HACE1: variants seen among roughly 807,000 people sequenced by gnomAD.
HACE1 encodes the protein E3 ubiquitin-protein ligase HACE1.
HACE1 carries 73 observed loss-of-function variants against 118.4 expected under a neutral mutation model. The ratio of observed to expected loss-of-function variants is 0.62; its 90% confidence interval spans 0.51 to 0.75. The LOEUF is 0.75. Among genes scored for constraint, HACE1 ranks in the 30% least tolerant of loss-of-function variants. HACE1 has a pLI of 0.00. For missense variants in HACE1, 749 were observed against 1,102.2 expected (o/e 0.68, Z 4.54); for synonymous variants, 368 against 374.8 (o/e 0.98, Z 0.21).
In HACE1 at chr6:104,737,236, T is replaced by C. The variant is rs552501026; in HGVS notation, c.2514-6820A>G. ...GAACCCAGGGGGCGGAGGTTGCAGA[T>C]CGAGCCACTGCACTCCAGCCTGGGG... On this transcript the variant is annotated intron_variant, in intron 22 of 23. Coordinates refer to ENST00000262903, the MANE Select transcript of HACE1 (RefSeq NM_020771.4). Among the ~76,000 whole-genome samples, 12 of 130,596 alleles carry C rather than the reference T, an allele frequency of 9.2e-5. No individual in the cohort carries two copies. In the South Asian group the frequency reaches 2.3e-3, roughly 25 times the overall value. 85.7% of individuals were successfully genotyped at this position (130,596 alleles called of 152,430 possible).
At chr6:104,806,766 T>G (rs1436641323) in intron 7 of HACE1, among the ~76,000 whole-genome samples, 1 of 152,154 alleles carries the variant, frequency 6.6e-6, no homozygotes, top group Non-Finnish European at 1.5e-5. Context: ...ATGTATTTTA[T>G]GAAAACTAAG....
chr6:104,846,017 C>A (rs574432573), intron 4 of HACE1, among the ~76,000 whole-genome samples: 16 of 152,214 alleles, frequency 1.1e-4, no homozygotes, highest in African/African-American at 3.9e-4. Context: ...CAAAATAAAT[C>A]ATTAGGTAGG....
At chr6:104,797,763 A>G (rs9486014) in intron 7 of HACE1, among the ~76,000 whole-genome samples, 31,843 of 151,950 alleles carry the variant, frequency 0.21, 4,105 homozygotes, top group African/African-American at 0.37. Flanking sequence ...TAATGTTAAC[A>G]GCTGATTCTT....
intron 7 of HACE1, among the ~76,000 whole-genome samples, chr6:104,798,923 G>A (rs952035203): frequency 3.9e-5 from 6 of 152,104 alleles, no homozygotes; most frequent in African/African-American, 1.4e-4. Context: ...CAATTAAATT[G>A]TAAACTTCCT....
intron 22 of HACE1, among the ~76,000 whole-genome samples, chr6:104,734,381 T>C (rs867308095): frequency 2.4e-4 from 36 of 152,104 alleles, no homozygotes; most frequent in Middle Eastern, 3.2e-3. Context: ...TATCTAAATA[T>C]AAACTAATAC....
chr6:104,855,749 C>T (rs570928773), intron 1 of HACE1, among the ~76,000 whole-genome samples: 8 of 152,142 alleles, frequency 5.3e-5, no homozygotes, highest in African/African-American at 1.9e-4. Flanking sequence ...AACTTCTAAA[C>T]CATGAGAATT....
chr6:104,774,628 C>T (rs1781030185), intron 17 of HACE1, among the ~76,000 whole-genome samples: 1 of 151,998 alleles, frequency 6.6e-6, no homozygotes, highest in African/African-American at 2.4e-5. Flanking sequence ...TCGTGATCTG[C>T]CCGCCTCGGC....
intron 21 of HACE1, 21 bp from the exon 22 acceptor site, chr6:104,744,251 C>T (rs981077639): frequency 6.8e-7 from 1 of 1,472,754 alleles, no homozygotes; most frequent in Non-Finnish European, 9.5e-7. Flanking sequence ...GAACAAAAAA[C>T]TTAGCTCATA....
intron 22 of HACE1, among the ~76,000 whole-genome samples, chr6:104,742,498 A>C (rs1424062084): frequency 2.0e-5 from 3 of 152,102 alleles, no homozygotes; most frequent in African/African-American, 7.2e-5. Flanking sequence ...AAAAGTGGGC[A>C]AAGGACAGGA....
At chr6:104,848,109 C>T (rs184239000) in intron 4 of HACE1, among the ~76,000 whole-genome samples, 15 of 151,556 alleles carry the variant, frequency 9.9e-5, no homozygotes, top group African/African-American at 3.6e-4. Flanking sequence ...GCCTTGGCCT[C>T]CCAAAAGGCT....
At chr6:104,756,053 A>T (rs977097967) in intron 19 of HACE1, among the ~76,000 whole-genome samples, 2 of 152,116 alleles carry the variant, frequency 1.3e-5, no homozygotes, top group African/African-American at 2.4e-5. Context: ...AATGAAGAAA[A>T]GTGAGAAGAA....
intron 1 of HACE1, among the ~76,000 whole-genome samples, chr6:104,854,994 T>C (rs1020139369): frequency 2.6e-5 from 4 of 152,222 alleles, no homozygotes; most frequent in African/African-American, 9.6e-5. Context: ...AAGGCACTTT[T>C]CTAAACACTT....
At chr6:104,742,934 T>C (rs1313233038) in intron 22 of HACE1, among the ~76,000 whole-genome samples, 1 of 151,916 alleles carries the variant, frequency 6.6e-6, no homozygotes, top group Non-Finnish European at 1.5e-5. Context: ...AATGATAGAC[T>C]GGATTAAGAA....
At chr6:104,820,397 AACAGAAAACCT>A (rs1772589890) in intron 6 of HACE1, among the ~76,000 whole-genome samples, 1 of 152,168 alleles carries the variant, frequency 6.6e-6, no homozygotes, top group African/African-American at 2.4e-5. Context: ...CATCAGAATG[AACAGAAAACCT>A]ACAGAACAAG....
chr6:104,825,611 T>C (rs575157824), intron 6 of HACE1, among the ~76,000 whole-genome samples: 2 of 152,302 alleles, frequency 1.3e-5, no homozygotes, highest in Non-Finnish European at 1.5e-5. Flanking sequence ...GTGACCTTTG[T>C]AACTTCAGCC....
chr6:104,738,040 A>AC lies in HACE1; in HGVS notation c.2513+6119dup, dbSNP rs1195831313. Among the ~76,000 whole-genome samples, 6 of 152,086 alleles carry AC rather than the reference A, an allele frequency of 3.9e-5. No homozygotes were observed. In the East Asian group the frequency reaches 5.8e-4, roughly 15 times the overall value. On this transcript the variant is annotated intron_variant, in intron 22 of 23. Transcript: ENST00000262903. ...CCCCCGAGCAGCCTAACTGGGAGGC[A>AC]CCCCCCAGCAGGGGCACACTGACAC...
intron 6 of HACE1, among the ~76,000 whole-genome samples, chr6:104,820,286 G>A (rs1342123232): frequency 1.3e-5 from 2 of 150,894 alleles, no homozygotes; most frequent in East Asian, 3.9e-4. Context: ...CACAGGCAAA[G>A]ATTTCCTGAC....
At chr6:104,849,077 G>C in intron 4 of HACE1, 65 bp downstream of exon 4, 3 of 898,912 alleles carry the variant, frequency 3.3e-6, no homozygotes, top group African/African-American at 1.6e-5. Flanking sequence ...ATCATCAAAC[G>C]AAGGCAAAGT....
intron 18 of HACE1, among the ~76,000 whole-genome samples, chr6:104,771,671 G>A (rs969878704): frequency 3.0e-5 from 4 of 135,584 alleles, no homozygotes; most frequent in Non-Finnish European, 4.6e-5. Context: ...ACACTGAAAT[G>A]TATTCTTAGC....
Sources: allele counts gnomAD v4.1 joint callset (sites outside exome capture counted in the v4.1 genomes callset), GRCh38; gene constraint gnomAD v4.1.1; transcripts MANE v1.5; gene names NCBI Gene and HGNC (gene_info 2026-07-23, HGNC 2026-07-21).